PID1: variants seen among roughly 807,000 people sequenced by gnomAD.
PID1 encodes phosphotyrosine interaction domain containing 1.
A neutral mutation model predicts 19.1 loss-of-function variants in PID1; 10 were observed. The ratio of observed to expected loss-of-function variants is 0.52; its 90% CI spans 0.32 to 0.89. The LOEUF is 0.89. PID1 is among the 40% of genes least tolerant of loss of function. The pLI, the probability that PID1 is intolerant of heterozygous loss-of-function variation, is 0.03. For missense variants in PID1, 248 were observed against 285.3 expected (o/e 0.87, Z 0.94); for synonymous variants, 130 against 116.0 (o/e 1.12, Z -0.78).
chr2:229,140,633 C>T (rs1228939078), intron 2 of PID1, among the ~76,000 whole-genome samples: 1 of 152,012 alleles, frequency 6.6e-6, no homozygotes, highest in Non-Finnish European at 1.5e-5. Context: ...ACTATCAAAG[C>T]TATGTGAAAT....
chr2:229,155,829 T>C lies in PID1; in HGVS notation c.166A>G (p.Ser56Gly), dbSNP rs749823807. 6 of 1,612,104 alleles carry C rather than the reference T, an allele frequency of 3.7e-6. No individual in the cohort carries two copies. Among genetic ancestry groups the C allele is most frequent in the Admixed American group, 3.3e-5 (2 of 59,918 alleles). ...CACGTGCCCCATACCTTGCAGCCAC[T>C]GTGAGTCCTTGTCTTCATCAGCGGT... ...TTPLMKTRTH[S>G]GCKVTYLGKV... The change falls in exon 2 of 3, where the codon AGT becomes GGT. Residue 56 changes from serine to glycine, a missense_variant. Ser to Gly is a moderately conservative substitution (Grantham distance 56, BLOSUM62 0). Transcript: ENST00000392055.
At chr2:229,100,884 T>C (rs1291868986) in intron 2 of PID1, among the ~76,000 whole-genome samples, 1 of 152,228 alleles carries the variant, frequency 6.6e-6, no homozygotes, top group Non-Finnish European at 1.5e-5. Context: ...AAATCTGACA[T>C]CACAGCATAA....
At chr2:229,137,247 A>G (rs1256564272) in intron 2 of PID1, among the ~76,000 whole-genome samples, 1 of 152,218 alleles carries the variant, frequency 6.6e-6, no homozygotes. Context: ...GGAACAAAAG[A>G]GCAGAGAGAA....
intron 2 of PID1, among the ~76,000 whole-genome samples, chr2:229,079,941 T>A (rs994740061): frequency 1.3e-5 from 2 of 152,132 alleles, no homozygotes; most frequent in Non-Finnish European, 2.9e-5. Flanking sequence ...AGCACTGGCA[T>A]GGAAGCTGTG....
intron 2 of PID1, among the ~76,000 whole-genome samples, chr2:229,089,260 T>C (rs1050810293): frequency 6.6e-6 from 1 of 152,214 alleles, no homozygotes; most frequent in Admixed American, 6.5e-5. Context: ...TCTCTATATT[T>C]AAAGGTGTCT....
At chr2:229,204,577 A>AC (rs1336555558) in intron 1 of PID1, among the ~76,000 whole-genome samples, 1 of 152,114 alleles carries the variant, frequency 6.6e-6, no homozygotes, top group Admixed American at 6.6e-5. Flanking sequence ...TAGTTTGTCC[A>AC]CCTACCTAGA....
chr2:229,172,168 G>A (rs1428054704), intron 1 of PID1, among the ~76,000 whole-genome samples: 1 of 152,170 alleles, frequency 6.6e-6, no homozygotes, highest in South Asian at 2.1e-4. Flanking sequence ...CTTTCTTTGA[G>A]TAACAGCTAA....
intron 2 of PID1, among the ~76,000 whole-genome samples, chr2:229,092,905 T>C (rs911778448): frequency 6.6e-6 from 1 of 152,180 alleles, no homozygotes; most frequent in Non-Finnish European, 1.5e-5. Flanking sequence ...TTTAAAGTTC[T>C]TCATCTTTTG....
chr2:229,156,081 C>A, intron 1 of PID1, 117 bp from the exon 2 acceptor site: 2 of 840,080 alleles, frequency 2.4e-6, no homozygotes, highest in Non-Finnish European at 3.7e-6. Context: ...TTAGGGGAGG[C>A]CAAGAGATAT....
intron 1 of PID1, among the ~76,000 whole-genome samples, chr2:229,199,650 G>A (rs1407549489): frequency 6.6e-6 from 1 of 150,506 alleles, no homozygotes; most frequent in Non-Finnish European, 1.5e-5. Context: ...CTCCATGATT[G>A]CATTTAAAGG....
chr2:229,181,566 A>G (rs771420150), intron 1 of PID1, among the ~76,000 whole-genome samples: 8 of 152,242 alleles, frequency 5.3e-5, no homozygotes, highest in Non-Finnish European at 7.3e-5. Flanking sequence ...AAGTCAGGAA[A>G]TTACACTGAT....
intron 2 of PID1, among the ~76,000 whole-genome samples, chr2:229,150,329 A>G (rs757917741): frequency 3.3e-5 from 5 of 152,058 alleles, no homozygotes; most frequent in Admixed American, 6.6e-5. Context: ...CGGACATCCA[A>G]GGTTGCCTCA....
At chr2:229,177,755 T>C (rs1690854572) in intron 1 of PID1, among the ~76,000 whole-genome samples, 2 of 151,774 alleles carry the variant, frequency 1.3e-5, no homozygotes, top group East Asian at 1.9e-4. Context: ...ATCATCATCA[T>C]TGTCAGTCAT....
intron 1 of PID1, among the ~76,000 whole-genome samples, chr2:229,267,228 T>C (rs931831091): frequency 3.9e-5 from 6 of 152,224 alleles, no homozygotes; most frequent in Admixed American, 3.9e-4. Context: ...TCCTCCCTAC[T>C]CTTCACTGTG....
chr2:229,248,090 T>C (rs546551108), intron 1 of PID1, among the ~76,000 whole-genome samples: 1 of 152,150 alleles, frequency 6.6e-6, no homozygotes, highest in East Asian at 1.9e-4. Flanking sequence ...TATCAGTATA[T>C]ATTTCCTAAG....
At chr2:229,156,380 C>T (rs1441373033) in intron 1 of PID1, among the ~76,000 whole-genome samples, 1 of 152,208 alleles carries the variant, frequency 6.6e-6, no homozygotes, top group Non-Finnish European at 1.5e-5. Flanking sequence ...TGAAAAAGTA[C>T]ACAAGACTTC....
rs1691402353 is a variant in PID1, at chr2:229,197,487, A to G, written c.31-41523T>C. ...TAGCACCACTTAAAAATAGTAATTC[A>G]GGTTTATTCTATACCTATCTTATGT... On this transcript the variant is annotated intron_variant, in intron 1 of 2. Coordinates refer to ENST00000392055, the MANE Select transcript of PID1 (RefSeq NM_001100818.2). Among the ~76,000 whole-genome samples, 3 of 152,172 alleles carry G rather than the reference A, an allele frequency of 2.0e-5. No individual in the cohort carries two copies. In the South Asian group the frequency reaches 6.2e-4, roughly 31 times the overall value.
In PID1 at chr2:229,155,830, G is replaced by C; in HGVS notation, c.165C>G (p.His55Gln). The C allele has an allele frequency of 6.2e-7, 1 of 1,612,210 alleles. No homozygotes were observed. The highest frequency in any genetic ancestry group is 2.2e-5 in the East Asian group (1 of 44,840). ...ACGTGCCCCATACCTTGCAGCCACT[G>C]TGAGTCCTTGTCTTCATCAGCGGTG... ...TTTPLMKTRT[H>Q]SGCKVTYLGK... Residue 55 changes from histidine to glutamine, a missense_variant, in exon 2 of 3, where the codon CAC (histidine) becomes CAG (glutamine). Transcript: ENST00000392055.
chr2:229,252,494 T>C (rs1690180643), intron 1 of PID1, among the ~76,000 whole-genome samples: 1 of 152,182 alleles, frequency 6.6e-6, no homozygotes, highest in Non-Finnish European at 1.5e-5. Flanking sequence ...CCAGCTCCTG[T>C]TCAGCAAGGG....
Sources: allele counts gnomAD v4.1 joint callset (sites outside exome capture counted in the v4.1 genomes callset), GRCh38; gene constraint gnomAD v4.1.1; transcripts MANE v1.5; gene names NCBI Gene and HGNC (gene_info 2026-07-23, HGNC 2026-07-21).